NBAS: variants seen among roughly 807,000 people sequenced by gnomAD.
NBAS encodes NAG/BC035112 fusion.
In NBAS, 219 loss-of-function variants were observed where a neutral mutation model predicts 302.5. That is an observed-to-expected ratio of 0.72 (90% confidence interval 0.65 to 0.81). NBAS has a LOEUF of 0.81. Among genes scored for constraint, NBAS ranks in the 30% least tolerant of loss-of-function variants. The pLI is 0.00. For missense variants in NBAS, 2,932 were observed against 2,841.6 expected, an observed-to-expected ratio of 1.03 and a Z score of -0.72; for synonymous variants, 1,118 against 1,021.6, an observed-to-expected ratio of 1.09 and a Z score of -1.80.
At chr2:14,836,299 T>TA in the NBAS span, among the ~76,000 whole-genome samples, 1 of 151,952 alleles carries the variant, frequency 6.6e-6, no homozygotes, top group Non-Finnish European at 1.5e-5. Context: ...TTTATTGTGT[T>TA]ACAACTATAA....
intron 51 of NBAS, among the ~76,000 whole-genome samples, chr2:15,168,112 C>T (rs1572385458): frequency 1.3e-5 from 2 of 152,306 alleles, no homozygotes; most frequent in East Asian, 3.9e-4. Context: ...CAAGTCCACA[C>T]TGATCATATT....
At chr2:15,098,496 T>TATGTTATATATTATATATTGTATATA in the NBAS span, among the ~76,000 whole-genome samples, 1 of 121,810 alleles carries the variant, frequency 8.2e-6, no homozygotes, top group South Asian at 2.3e-4. Context: ...TTGTATATAA[T>TATGTTATATATTATATATTGTATATA]ATGTTATATA....
At position 15,234,619 on chromosome 2, in the gene NBAS, C is replaced by T. The variant is rs773627591; in HGVS notation, c.6072G>A (p.Val2024=). 7.4e-6 allele frequency: 12 copies of T among 1,614,010 alleles called. No homozygotes were observed. The highest frequency in any genetic ancestry group is 6.7e-5 in the African/African-American group (5 of 74,916). The change falls in exon 46 of 52, where the codon GTG becomes GTA. Residue 2024 remains valine (V), a synonymous_variant. Transcript: ENST00000281513. ...PLAMIQQLLE[V]AVGPLDISPK... ...GTGAGATGTCAAGAGGGCCAACTGC[C>T]ACCTCTAGCAGCTGCTGAATCATTG...
At chr2:15,189,330 G>A (rs989160034) in intron 49 of NBAS, among the ~76,000 whole-genome samples, 1 of 152,160 alleles carries the variant, frequency 6.6e-6, no homozygotes, top group African/African-American at 2.4e-5. Context: ...CAGTCTCATG[G>A]AATCTTTTCC....
chr2:15,059,295 G>A, the NBAS span, among the ~76,000 whole-genome samples: 4 of 152,200 alleles, frequency 2.6e-5, no homozygotes, highest in African/African-American at 9.7e-5. Flanking sequence ...ACCAAACCTT[G>A]TACATAACTG....
chr2:14,958,619 A>G, the NBAS span, among the ~76,000 whole-genome samples: 1 of 152,256 alleles, frequency 6.6e-6, no homozygotes, highest in African/African-American at 2.4e-5. Context: ...GGCATCTGTT[A>G]TAAATCTTCC....
the NBAS span, among the ~76,000 whole-genome samples, chr2:14,881,333 G>A: frequency 6.6e-6 from 1 of 152,016 alleles, no homozygotes; most frequent in Non-Finnish European, 1.5e-5. Context: ...TAAAATCAAT[G>A]GAAACAACAG....
the NBAS span, among the ~76,000 whole-genome samples, chr2:15,136,905 C>G: frequency 2.0e-5 from 3 of 152,226 alleles, no homozygotes; most frequent in African/African-American, 4.8e-5. Flanking sequence ...TTCCCCTTCA[C>G]CTTCTGCCAT....
Position 15,272,517 on chromosome 2 carries a change from T to C in NBAS, c.5724+2967A>G, listed in dbSNP as rs1996515. Among the ~76,000 whole-genome samples, 379 of 152,306 alleles carry C rather than the reference T, an allele frequency of 2.5e-3. 4 individuals are homozygous for C. The highest frequency in any genetic ancestry group is 8.5e-3 in the African/African-American group (353 of 41,566). On this transcript the variant is annotated intron_variant, in intron 44 of 51. Transcript: ENST00000281513. ...GGGCAGCATTGTGTGCTTTCAAACA[T>C]GCATTTTTTCCAACTTTATACTTCT...
chr2:15,511,228 C>G lies in NBAS; in HGVS notation c.869G>C (p.Gly290Ala). 1.2e-6 allele frequency: 2 copies of G among 1,614,086 alleles called. No homozygotes were observed. The highest frequency in any genetic ancestry group is 3.3e-5 in the Admixed American group (2 of 60,012). The change falls in exon 10 of 52, where the codon GGA becomes GCA. Residue 290 changes from glycine to alanine, a missense_variant. Gly to Ala is a moderately conservative substitution (Grantham distance 60). Coordinates refer to ENST00000281513, the MANE Select transcript of NBAS (RefSeq NM_015909.4). ...SPYYKQVTNG[G>A]DGVTAVPKTL... ...CATACTTACTGCAGTAACCCCGTCT[C>G]CACCATTAGTAACCTGCTTATAATA...
the NBAS span, among the ~76,000 whole-genome samples, chr2:14,785,071 C>T: frequency 2.6e-5 from 4 of 152,100 alleles, no homozygotes; most frequent in Non-Finnish European, 4.4e-5. Flanking sequence ...ATTTTATTCC[C>T]TTTGAAGCAA....
At chr2:15,274,821 G>A (rs1669493362) in intron 44 of NBAS, among the ~76,000 whole-genome samples, 1 of 152,018 alleles carries the variant, frequency 6.6e-6, no homozygotes, top group South Asian at 2.1e-4. Flanking sequence ...CTGGAGTGCA[G>A]TGGCATGATC....
chr2:14,847,353 A>G, the NBAS span, among the ~76,000 whole-genome samples: 39,519 of 137,838 alleles, frequency 0.29, 6,172 homozygotes, highest in East Asian at 0.38. Context: ...ACTGCACTCC[A>G]GCCTCGTCAA....
chr2:14,832,457 T>G, the NBAS span, among the ~76,000 whole-genome samples: 1 of 152,138 alleles, frequency 6.6e-6, no homozygotes, highest in South Asian at 2.1e-4. Context: ...GAAAGAAGTA[T>G]CTTCCATTAT....
chr2:14,864,334 A>G, the NBAS span, among the ~76,000 whole-genome samples: 26 of 151,826 alleles, frequency 1.7e-4, no homozygotes, highest in African/African-American at 6.0e-4. Flanking sequence ...AAAAAAAAAA[A>G]AAAAGAAAGA....
the NBAS span, among the ~76,000 whole-genome samples, chr2:15,077,847 C>T: frequency 2.6e-5 from 4 of 152,000 alleles, no homozygotes; most frequent in Non-Finnish European, 5.9e-5. Flanking sequence ...CCACACCTGG[C>T]TAATTTTTGT....
At chr2:15,394,517 C>T (rs572396385) in intron 27 of NBAS, among the ~76,000 whole-genome samples, 168 bp from the exon 28 acceptor site, 2 of 151,802 alleles carry the variant, frequency 1.3e-5, no homozygotes, top group Admixed American at 6.6e-5. Context: ...GAAAAAAAAT[C>T]GAATAATTAA....
chr2:15,057,141 T>C, the NBAS span, among the ~76,000 whole-genome samples: 1 of 152,092 alleles, frequency 6.6e-6, no homozygotes, highest in East Asian at 1.9e-4. Flanking sequence ...TAATTTCTAA[T>C]GGTCATCGAC....
the NBAS span, among the ~76,000 whole-genome samples, chr2:15,009,738 T>C: frequency 6.8e-6 from 1 of 147,188 alleles, no homozygotes; most frequent in Non-Finnish European, 1.5e-5. Flanking sequence ...TATGTATGTG[T>C]GTGCATGCAT....
Sources: allele counts gnomAD v4.1 joint callset (sites outside exome capture counted in the v4.1 genomes callset), GRCh38; gene constraint gnomAD v4.1.1; transcripts MANE v1.5; gene names NCBI Gene and HGNC (gene_info 2026-07-23, HGNC 2026-07-21).